The following GDAP2 variants were observed in gnomAD, a reference collection of about 807,000 sequenced individuals.
GDAP2 encodes ganglioside-induced differentiation-associated protein 2.
GDAP2 carries 51 observed loss-of-function variants against 67.0 expected under a neutral mutation model. The observed-to-expected ratio is 0.76, with a 90% confidence interval of 0.61 to 0.96. The LOEUF (loss-of-function observed/expected upper bound fraction) is 0.96. GDAP2 is among the 40% of genes least tolerant of loss of function. GDAP2 has a pLI of 0.00. For missense variants in GDAP2, 547 were observed against 588.3 expected, an observed-to-expected ratio of 0.93 and a Z score of 0.73; for synonymous variants, 203 against 207.3, an observed-to-expected ratio of 0.98 and a Z score of 0.18.
chr1:117,880,678 T>C (rs1468633556), intron 12 of GDAP2, among the ~76,000 whole-genome samples: 1 of 152,254 alleles, frequency 6.6e-6, no homozygotes, highest in Non-Finnish European at 1.5e-5. Flanking sequence ...GGGATTAAAA[T>C]GCCTAGATTC....
At chr1:117,903,620 A>AGTC (rs1418913279) in intron 6 of GDAP2, among the ~76,000 whole-genome samples, 1 of 151,886 alleles carries the variant, frequency 6.6e-6, no homozygotes, top group Non-Finnish European at 1.5e-5. Flanking sequence ...TCCTGACATA[A>AGTC]GTCCTACTTT....
rs1300404607 is a variant in GDAP2 at position 117,863,969 on chromosome 1, T to C, written c.*6600A>G. The C allele has an allele frequency of 6.6e-6, 1 of 152,142 alleles. No homozygotes were observed. The highest frequency in any genetic ancestry group is 2.4e-5 in the African/African-American group (1 of 41,430). The allele number at this position is 152,142 out of a possible 1,614,324, so 9.4% of individuals were successfully genotyped here. A position where few individuals can be genotyped will look rare whatever the true frequency, so the allele number is the denominator to read the frequency against. ...ATCCCTGTTGAATACACAAAAACAC[T>C]GAGGTTCAGAAAAAGTTGAGAAACA... On this transcript the variant is annotated 3_prime_UTR_variant, in exon 14 of 14. Transcript: ENST00000369443.
At chr1:117,922,700 G>A (rs938168128) in intron 1 of GDAP2, among the ~76,000 whole-genome samples, 1 of 152,184 alleles carries the variant, frequency 6.6e-6, no homozygotes, top group Admixed American at 6.5e-5. Context: ...TAGGGTGTGG[G>A]TCACAGAGAT....
At chr1:117,882,707 A>G (rs1407519953) in intron 11 of GDAP2, among the ~76,000 whole-genome samples, 5 of 152,170 alleles carry the variant, frequency 3.3e-5, no homozygotes, top group Admixed American at 3.3e-4. Context: ...AAAGGTGTCT[A>G]TTGGCTAATG....
chr1:117,880,143 C>G (rs1648602624), intron 12 of GDAP2, among the ~76,000 whole-genome samples: 1 of 152,164 alleles, frequency 6.6e-6, no homozygotes. Context: ...TATAATCACA[C>G]CACTGCACTC....
At chr1:117,899,470 A>T (rs1241368196) in intron 6 of GDAP2, among the ~76,000 whole-genome samples, 1 of 152,112 alleles carries the variant, frequency 6.6e-6, no homozygotes, top group Non-Finnish European at 1.5e-5. Flanking sequence ...TGGAATGCAT[A>T]AGTCCTGCCA....
rs374305263 is a variant in GDAP2, at chr1:117,913,753, T to C, written c.317-1070A>G. Among the ~76,000 whole-genome samples the C allele has an allele frequency of 2.7e-4, 41 of 152,308 alleles. No homozygotes were observed. In the East Asian group the frequency reaches 3.7e-3, roughly 14 times the overall value. ...ATAACCGTTGCCCACTGTTATGAACTGAATGCTTCGGTTCCCTCAAAATTC... is the reference window on the plus strand; with the variant it reads ...ATAACCGTTGCCCACTGTTATGAACCGAATGCTTCGGTTCCCTCAAAATTC... On this transcript the variant is annotated intron_variant, in intron 3 of 13. Transcript: ENST00000369443.
At chr1:117,885,026 C>T (rs527258991) in intron 10 of GDAP2, among the ~76,000 whole-genome samples, 3 of 151,810 alleles carry the variant, frequency 2.0e-5, no homozygotes, top group Admixed American at 6.6e-5. Flanking sequence ...TTGTATTTTT[C>T]GGACAAAATA....
chr1:117,883,363 A>T, intron 11 of GDAP2, 125 bp downstream of exon 11: 1 of 670,334 alleles, frequency 1.5e-6, no homozygotes, highest in Non-Finnish European at 2.5e-6. Flanking sequence ...TATCTAATCT[A>T]GGTATGATAA....
At chr1:117,876,981 G>GA (rs373685635) in intron 13 of GDAP2, among the ~76,000 whole-genome samples, 76 of 152,104 alleles carry the variant, frequency 5.0e-4, no homozygotes, top group African/African-American at 1.8e-3. Context: ...GAGTTCAAAG[G>GA]AAAAACACTA....
chr1:117,920,573 A>G (rs1557811040), intron 1 of GDAP2, 149 bp from the exon 2 acceptor site: 1 of 376,454 alleles, frequency 2.7e-6, no homozygotes, highest in Non-Finnish European at 4.8e-6. Context: ...AAAACAATGG[A>G]CAACAAAGAA....
rs894806156 is a variant in GDAP2 at position 117,900,218 on chromosome 1, C to T, written c.637-1002G>A. Among the ~76,000 whole-genome samples, 5 of 152,128 alleles carry T rather than the reference C, an allele frequency of 3.3e-5. No homozygotes were observed. In the South Asian group the frequency reaches 1.0e-3, roughly 32 times the overall value. On this transcript the variant is annotated intron_variant, in intron 6 of 13. Coordinates refer to ENST00000369443, the MANE Select transcript of GDAP2 (RefSeq NM_017686.4). Reference sequence around the variant, plus strand: ...CTGTTCTCAAACTCCTGGACTCAAGCATTTTTCCCATCTCAACTTCCCAAG... The same window carrying T: ...CTGTTCTCAAACTCCTGGACTCAAGTATTTTTCCCATCTCAACTTCCCAAG...
At position 117,892,600 on chromosome 1, in the gene GDAP2, T is replaced by C. The variant is rs1215661944; in HGVS notation, c.953+4233A>G. Among the ~76,000 whole-genome samples the C allele has an allele frequency of 2.0e-5, 3 of 152,152 alleles. No individual in the cohort carries two copies. The East Asian group carries it at 5.8e-4, about 29-fold the overall frequency. ...ATCATGGATAAATAATCGTACAAAATATGTCAAAATGGCAGAAAAAAATAG... is the reference window on the plus strand; with the variant it reads ...ATCATGGATAAATAATCGTACAAAACATGTCAAAATGGCAGAAAAAAATAG... On this transcript the variant is annotated intron_variant, in intron 8 of 13. Coordinates refer to ENST00000369443, the MANE Select transcript of GDAP2 (RefSeq NM_017686.4).
chr1:117,902,902 T>C (rs1649530226), intron 6 of GDAP2, among the ~76,000 whole-genome samples: 1 of 152,242 alleles, frequency 6.6e-6, no homozygotes, highest in African/African-American at 2.4e-5. Flanking sequence ...TGAACATAGA[T>C]GTCTTTCCAT....
chr1:117,899,012 T>C (rs200266244), intron 7 of GDAP2, 45 bp downstream of exon 7: 3 of 1,471,320 alleles, frequency 2.0e-6, no homozygotes, highest in East Asian at 4.5e-5. Context: ...TGCCTATTTT[T>C]GGCCCTAAGA....
intron 6 of GDAP2, among the ~76,000 whole-genome samples, chr1:117,903,215 T>C (rs780288656): frequency 2.6e-5 from 4 of 152,182 alleles, no homozygotes; most frequent in Non-Finnish European, 5.9e-5. Flanking sequence ...TCATGCCGTC[T>C]GCAAATAAAG....
At chr1:117,912,302 A>G (rs1649883546) in intron 4 of GDAP2, among the ~76,000 whole-genome samples, 1 of 152,210 alleles carries the variant, frequency 6.6e-6, no homozygotes, top group Non-Finnish European at 1.5e-5. Context: ...AACTGAATAA[A>G]AAATGGGAAA....
chr1:117,886,415 G>A lies in GDAP2; in HGVS notation c.1107+162C>T, dbSNP rs748947090. Reference sequence around the variant, plus strand: ...ACAGAGAAAAATCAAACCCCTAATCGAACTGAAATGATACAGGTCCACTCA... The same window carrying A: ...ACAGAGAAAAATCAAACCCCTAATCAAACTGAAATGATACAGGTCCACTCA... On this transcript the variant is annotated intron_variant, in intron 10 of 13. Transcript: ENST00000369443. Among the ~76,000 whole-genome samples the A allele has an allele frequency of 5.3e-5, 8 of 152,076 alleles. No homozygotes were observed. The South Asian group carries it at 6.2e-4, about 12-fold the overall frequency.
At chr1:117,901,628 C>T (rs1007499267) in intron 6 of GDAP2, among the ~76,000 whole-genome samples, 4 of 152,326 alleles carry the variant, frequency 2.6e-5, no homozygotes, top group African/African-American at 9.6e-5. Flanking sequence ...TGGTGTGGAG[C>T]ACCTTTTCAG....
Sources: allele counts gnomAD v4.1 joint callset (sites outside exome capture counted in the v4.1 genomes callset), GRCh38; gene constraint gnomAD v4.1.1; transcripts MANE v1.5; gene names NCBI Gene and HGNC (gene_info 2026-07-23, HGNC 2026-07-21).